HSD17B13: variants seen among roughly 807,000 people sequenced by gnomAD.
HSD17B13 encodes the protein 17-beta-hydroxysteroid dehydrogenase 13.
In HSD17B13, 26 loss-of-function variants were observed where a neutral mutation model predicts 31.1. The ratio of observed to expected loss-of-function variants is 0.84; its 90% CI spans 0.61 to 1.16. The LOEUF is 1.16. HSD17B13 is among the 50% of genes most tolerant of loss of function. The pLI, the probability that HSD17B13 is intolerant of heterozygous loss-of-function variation, is 0.00. For missense variants in HSD17B13, 374 were observed against 366.5 expected (o/e 1.02, Z -0.17); for synonymous variants, 141 against 133.7 (o/e 1.05, Z -0.38).
chr4:87,320,359 AT>A (rs1312086241), intron 1 of HSD17B13, among the ~76,000 whole-genome samples: 1 of 145,626 alleles, frequency 6.9e-6, no homozygotes, highest in African/African-American at 2.5e-5. Context: ...AGATGTTTTG[AT>A]TGAAGAATTA....
chr4:87,310,228 C>A lies in HSD17B13; in HGVS notation c.812+15G>T. 1 of 1,528,970 alleles carries A rather than the reference C, an allele frequency of 6.5e-7. No homozygotes were observed. The highest frequency in any genetic ancestry group is 8.7e-7 in the Non-Finnish European group (1 of 1,147,322). The allele number at this position is 1,528,970 out of a possible 1,614,324, so 94.7% of individuals were successfully genotyped here. On this transcript the variant is annotated intron_variant, in intron 6 of 6. Transcript: ENST00000328546. ...ATTGGTGTTTTAGTATTTGGGTGTTCTGTGCTGTACTTACTTCTGTAGTCT... is the reference window on the plus strand; with the variant it reads ...ATTGGTGTTTTAGTATTTGGGTGTTATGTGCTGTACTTACTTCTGTAGTCT...
Position 87,317,170 on chromosome 4 carries a change from T to TA in HSD17B13, c.371dup (p.Tyr125IlefsTer11), listed in dbSNP as rs1333905019. Reference sequence around the variant, plus strand: ...TGGTGCTGAGAAGATCGGCTGGATATACTGTCCCAGCATTATTCACCACGA... The same window carrying TA: ...TGGTGCTGAGAAGATCGGCTGGATATAACTGTCCCAGCATTATTCACCACGA... On this transcript the variant is annotated frameshift_variant, in exon 3 of 7. Transcript: ENST00000328546. LOFTEE classifies it high-confidence loss of function. 3.1e-6 allele frequency: 5 copies of TA among 1,613,712 alleles called. No individual in the cohort carries two copies. In the African/African-American group the frequency reaches 6.7e-5, roughly 22 times the overall value.
In HSD17B13 at chr4:87,303,889, TA is replaced by T. The variant is rs1457689558; in HGVS notation, c.*1328del. The T allele has an allele frequency of 1.4e-5, 2 of 146,336 alleles. No homozygotes were observed. The highest frequency in any genetic ancestry group is 6.8e-5 in the Admixed American group (1 of 14,640). The allele number at this position is 146,336 out of a possible 1,614,324, so 9.1% of individuals were successfully genotyped here. On this transcript the variant is annotated 3_prime_UTR_variant, in exon 7 of 7. Transcript: ENST00000328546. ...TTTAGTGAATTGTTTTTGTGACTTT[TA>T]AAAAAATCATTTGTTTTTAATAAAA...
At chr4:87,308,662 C>G (rs926792390) in intron 6 of HSD17B13, among the ~76,000 whole-genome samples, 48 of 149,886 alleles carry the variant, frequency 3.2e-4, no homozygotes, top group Non-Finnish European at 8.9e-5. Flanking sequence ...GCCTGGGCAA[C>G]AGAGCGAGAC....
Position 87,317,563 on chromosome 4 carries a change from CTTTTTTTTTTTTTT to C in HSD17B13, c.319-354_319-341del, listed in dbSNP as rs869241617. ...TTTTAAAAATGTGTTTTTCTTTAAA[CTTTTTTTTTTTTTT>C]TTTTTTTTTTTTTTAGAGATAGGGT... On this transcript the variant is annotated intron_variant, in intron 2 of 6. Coordinates refer to ENST00000328546, the MANE Select transcript of HSD17B13 (RefSeq NM_178135.5). Among the ~76,000 whole-genome samples the C allele has an allele frequency of 1.2e-3, 58 of 49,748 alleles. 3 individuals are homozygous for C. The highest frequency in any genetic ancestry group is 1.8e-3 in the Non-Finnish European group (47 of 26,778). The allele number at this position is 49,748 out of a possible 152,430, so 32.6% of individuals were successfully genotyped here.
chr4:87,310,923 G>A, intron 5 of HSD17B13, among the ~76,000 whole-genome samples: 1 of 152,168 alleles, frequency 6.6e-6, no homozygotes, highest in South Asian at 2.1e-4. Flanking sequence ...CACAGGATGA[G>A]ATAGGAGGTT....
chr4:87,312,963 G>C (rs1474522760), intron 5 of HSD17B13, among the ~76,000 whole-genome samples: 5 of 150,094 alleles, frequency 3.3e-5, no homozygotes, highest in Non-Finnish European at 7.4e-5. Flanking sequence ...GGAGGCTGAG[G>C]AAGGAGAATT....
intron 5 of HSD17B13, among the ~76,000 whole-genome samples, chr4:87,311,199 T>C (rs55933669): frequency 0.058 from 8,847 of 152,208 alleles, 816 homozygotes; most frequent in African/African-American, 0.2. Flanking sequence ...TTGCTCACCC[T>C]TTTCCCGGAA....
At position 87,317,085 on chromosome 4, in the gene HSD17B13, C is replaced by T. The variant is rs370289965; in HGVS notation, c.450+7G>A. 259 of 1,613,556 alleles carry T rather than the reference C, an allele frequency of 1.6e-4. No individual in the cohort carries two copies. Among genetic ancestry groups the T allele is most frequent in the Non-Finnish European group, 2.1e-4 (244 of 1,179,666 alleles). On this transcript the variant is annotated splice_region_variant and intron_variant, in intron 3 of 6. Transcript: ENST00000328546. ...ACAAATCAGAAATGTTTCTGACTCACACTCACCCAAAAATGTCCTAGGATG... is the reference window on the plus strand; with the variant it reads ...ACAAATCAGAAATGTTTCTGACTCATACTCACCCAAAAATGTCCTAGGATG...
chr4:87,304,555 G>C lies in HSD17B13; in HGVS notation c.*663C>G, dbSNP rs754835184. On this transcript the variant is annotated 3_prime_UTR_variant, in exon 7 of 7. Transcript: ENST00000328546. The stretch of plus-strand genomic sequence containing the variant: ...AAATTCTGAGATTTAAAATAGAGTC[G>C]GTCACCTTTCATAATGTATCTTATA... The C allele has an allele frequency of 6.6e-6, 1 of 152,006 alleles. No homozygotes were observed. Among genetic ancestry groups the C allele is most frequent in the Non-Finnish European group, 1.5e-5 (1 of 68,000 alleles). The allele number at this position is 152,006 out of a possible 1,614,324, so 9.4% of individuals were successfully genotyped here. A position where few individuals can be genotyped will look rare whatever the true frequency, so the allele number is the denominator to read the frequency against.
intron 6 of HSD17B13, among the ~76,000 whole-genome samples, chr4:87,307,171 T>C (rs1056144162): frequency 6.6e-6 from 1 of 151,930 alleles, no homozygotes; most frequent in African/African-American, 2.4e-5. Flanking sequence ...ACCTTCATGC[T>C]AGTAATTGCA....
chr4:87,318,232 A>G (rs1560750481), intron 2 of HSD17B13, 97 bp downstream of exon 2: 8 of 908,086 alleles, frequency 8.8e-6, no homozygotes, highest in East Asian at 2.5e-5. Context: ...CTAAAATCCA[A>G]TTTAAATCAG....
intron 1 of HSD17B13, among the ~76,000 whole-genome samples, chr4:87,318,853 A>G (rs572560826): frequency 5.9e-4 from 89 of 151,244 alleles, no homozygotes; most frequent in East Asian, 1.8e-3. Flanking sequence ...ATTAACATTC[A>G]TTTTGGACAT....
chr4:87,317,321 A>G (rs1734674472), intron 2 of HSD17B13, 98 bp from the exon 3 acceptor site: 3 of 1,224,786 alleles, frequency 2.4e-6, no homozygotes, highest in Admixed American at 2.0e-5. Context: ...CTTCTATTGT[A>G]TGAGGTCTCT....
At chr4:87,313,254 A>C (rs150499316) in intron 5 of HSD17B13, among the ~76,000 whole-genome samples, 1 of 152,220 alleles carries the variant, frequency 6.6e-6, no homozygotes, top group Non-Finnish European at 1.5e-5. Context: ...TTTTGAATGA[A>C]TATATTTAGG....
intron 1 of HSD17B13, among the ~76,000 whole-genome samples, chr4:87,320,456 G>C (rs1228736659): frequency 7.5e-6 from 1 of 133,330 alleles, no homozygotes; most frequent in African/African-American, 2.7e-5. Context: ...GCGTCATCTC[G>C]GCTCACTGCA....
chr4:87,321,634 ACTC>A (rs146547917), intron 1 of HSD17B13, among the ~76,000 whole-genome samples: 2,904 of 152,078 alleles, frequency 0.019, 94 homozygotes, highest in African/African-American at 0.067. Context: ...ATATACATCA[ACTC>A]CTCTATTATA....
rs61748262 is a variant in HSD17B13, at chr4:87,317,092, C to A, written c.450G>T (p.Trp150Cys). The change falls in exon 3 of 7, where the codon TGG (tryptophan) becomes TGT (cysteine). Residue 150 changes from tryptophan (W) to cysteine (C), a missense_variant and splice_region_variant. Trp to Cys is a radical substitution (Grantham distance 215). Transcript: ENST00000328546. ...AGAAATGTTTCTGACTCACACTCAC[C>A]CAAAAATGTCCTAGGATGTTGACCT... ...TFEVNILGHF[W>C]ITKALLPSMM... 1.9e-6 allele frequency: 3 copies of A among 1,613,550 alleles called. No individual in the cohort carries two copies. The South Asian group carries it at 3.3e-5, about 18-fold the overall frequency.
At chr4:87,316,788 A>G (rs1278851678) in intron 3 of HSD17B13, among the ~76,000 whole-genome samples, 1 of 152,172 alleles carries the variant, frequency 6.6e-6, no homozygotes, top group Non-Finnish European at 1.5e-5. Context: ...AAAGATGTAC[A>G]CTGACAACCC....
Sources: allele counts gnomAD v4.1 joint callset (sites outside exome capture counted in the v4.1 genomes callset), GRCh38; gene constraint gnomAD v4.1.1; transcripts MANE v1.5; gene names NCBI Gene and HGNC (gene_info 2026-07-23, HGNC 2026-07-21).